DYSF: variants seen among roughly 807,000 people sequenced by gnomAD.
DYSF encodes the protein dysferlin, also known as dystrophy-associated fer-1-like 1.
In DYSF, 212 loss-of-function variants were observed where a neutral mutation model predicts 274.9. The observed-to-expected ratio is 0.77, with a 90% CI of 0.69 to 0.86. The LOEUF is 0.86. Ranked by LOEUF, DYSF falls within the 40% of genes least tolerant of loss-of-function variation. The pLI, the probability that DYSF is intolerant of heterozygous loss-of-function variation, is 0.00. For synonymous variants in DYSF, 1,091 were observed against 1,078.7 expected (o/e 1.01, Z -0.22); for missense variants, 2,666 against 2,783.2 (o/e 0.96, Z 0.95).
chr2:71,570,851 C>T, intron 29 of DYSF, 110 bp downstream of exon 29: 1 of 1,479,498 alleles, frequency 6.8e-7, no homozygotes, highest in Non-Finnish European at 9.2e-7. Context: ...ACACAGCATG[C>T]ACAGACACCT....
In DYSF at chr2:71,553,814, C is replaced by T; in HGVS notation, c.1992C>T (p.His664=). 1 of 1,612,664 alleles carries T rather than the reference C, an allele frequency of 6.2e-7. No homozygotes were observed. The highest frequency in any genetic ancestry group is 8.5e-7 in the Non-Finnish European group (1 of 1,179,514). ...QYSRAVFDGC[H]YYYLPWGNVK... ...CCCGTCTCTCCATTCCAGGGTGCCA[C>T]TACTACTACCTACCCTGGGGTAACG... The change falls in exon 21 of 56, where the codon CAC becomes CAT. Residue 664 remains histidine, a synonymous_variant. Coordinates refer to ENST00000410020, the MANE Select transcript of DYSF (RefSeq NM_001130987.2).
intron 12 of DYSF, among the ~76,000 whole-genome samples, chr2:71,522,647 C>A (rs531960631): frequency 6.6e-6 from 1 of 152,122 alleles, no homozygotes; most frequent in Non-Finnish European, 1.5e-5. Context: ...GAGCTCTGGA[C>A]GCTCAGTTTC....
chr2:71,652,326 A>G (rs2094680190), intron 42 of DYSF, among the ~76,000 whole-genome samples: 2 of 152,242 alleles, frequency 1.3e-5, no homozygotes, highest in African/African-American at 2.4e-5. Flanking sequence ...TTTAGAAAGG[A>G]GAAGACAAAA....
At chr2:71,589,496 G>T in intron 30 of DYSF, 97 bp from the exon 31 acceptor site, 2 of 954,804 alleles carry the variant, frequency 2.1e-6, no homozygotes, top group Non-Finnish European at 3.4e-6. Flanking sequence ...GCAGCGGAGA[G>T]ATCTCCTGGC....
chr2:71,519,193 A>G lies in DYSF; in HGVS notation c.1003-985A>G, dbSNP rs370610327. On this transcript the variant is annotated intron_variant, in intron 10 of 55. Transcript: ENST00000410020. Reference sequence around the variant, plus strand: ...TGTCTTTGCGCTGTCTTCTCAAATCATTGCCTGTGGGAAGAAGTCACAAGA... The same window carrying G: ...TGTCTTTGCGCTGTCTTCTCAAATCGTTGCCTGTGGGAAGAAGTCACAAGA... Among the ~76,000 whole-genome samples the G allele has an allele frequency of 6.9e-4, 105 of 151,464 alleles. 1 individual carries two copies. In the East Asian group the frequency reaches 0.017, roughly 25 times the overall value.
chr2:71,623,124 C>T (rs1052340404), intron 41 of DYSF, among the ~76,000 whole-genome samples: 5 of 152,042 alleles, frequency 3.3e-5, no homozygotes, highest in South Asian at 2.1e-4. Flanking sequence ...CCAATGCAAT[C>T]GAGACAGGTA....
intron 10 of DYSF, 49 bp downstream of exon 10, chr2:71,517,088 TG>T (rs777889370): frequency 8.5e-5 from 133 of 1,564,640 alleles, no homozygotes; most frequent in Non-Finnish European, 1.1e-4. Flanking sequence ...TTCTCCGTGT[TG>T]GTGGAGCCTC....
intron 30 of DYSF, among the ~76,000 whole-genome samples, chr2:71,585,365 G>A (rs1166196696): frequency 3.9e-5 from 6 of 152,184 alleles, no homozygotes; most frequent in African/African-American, 1.4e-4. Context: ...CACTGGCCCC[G>A]TGAGCAGCAG....
Position 71,467,359 on chromosome 2 carries a change from T to C in DYSF, c.91+426T>C, listed in dbSNP as rs567390844. Among the ~76,000 whole-genome samples, 237 of 152,316 alleles carry C rather than the reference T, an allele frequency of 1.6e-3. 1 individual carries two copies. Among genetic ancestry groups the C allele is most frequent in the Middle Eastern group, 6.8e-3 (2 of 294 alleles). ...CTTTTTTCATTCATTCATTCATTCA[T>C]TCACCCATCTTTATCCAACATTGGC... On this transcript the variant is annotated intron_variant, in intron 1 of 55. Coordinates refer to ENST00000410020, the MANE Select transcript of DYSF (RefSeq NM_001130987.2).
chr2:71,668,736 C>T lies in DYSF; in HGVS notation c.5458-18C>T, dbSNP rs751028464. On this transcript the variant is annotated intron_variant, in intron 48 of 55. Transcript: ENST00000410020. The stretch of plus-strand genomic sequence containing the variant: ...TTAAATGAGAAGGGTGGGGAGAGAA[C>T]GGACCCTGTCTCCGCAGGGGAAGCT... 2.4e-5 allele frequency: 39 copies of T among 1,611,370 alleles called. No homozygotes were observed. The highest frequency in any genetic ancestry group is 1.5e-4 in the African/African-American group (11 of 74,888).
rs72827583 is a variant in DYSF at position 71,589,481 on chromosome 2, T to C, written c.3403-112T>C. On this transcript the variant is annotated intron_variant, in intron 30 of 55. Transcript: ENST00000410020. ...TGAAATTAGAGGCTGAGAGTTCAGCTTTCGGCAGCGGAGAGATCTCCTGGC... is the reference window on the plus strand; with the variant it reads ...TGAAATTAGAGGCTGAGAGTTCAGCCTTCGGCAGCGGAGAGATCTCCTGGC... The C allele has an allele frequency of 0.022, 19,123 of 853,456 alleles. 347 individuals are homozygous for C. Among genetic ancestry groups the C allele is most frequent in the African/African-American group, 0.057 (3,438 of 60,268 alleles). The allele number at this position is 853,456 out of a possible 1,614,324, so 52.9% of individuals were successfully genotyped here. A position where few individuals can be genotyped will look rare whatever the true frequency, so the allele number is the denominator to read the frequency against.
Position 71,486,817 on chromosome 2 carries a change from G to T in DYSF, c.239+4847G>T, listed in dbSNP as rs77739518. On this transcript the variant is annotated intron_variant, in intron 3 of 55. Transcript: ENST00000410020. Reference sequence around the variant, plus strand: ...GAAGACACTCAGGCAAACCTAGCGGGTGGTCCTGGGATCCTGTTCCAGGCT... The same window carrying T: ...GAAGACACTCAGGCAAACCTAGCGGTTGGTCCTGGGATCCTGTTCCAGGCT... 3.3e-5 allele frequency among the ~76,000 whole-genome samples: 5 copies of T among 152,322 alleles called. No homozygotes were observed. In the East Asian group the frequency reaches 9.6e-4, roughly 29 times the overall value.
chr2:71,664,238 G>T (rs763959749), intron 45 of DYSF, 30 bp from the exon 46 acceptor site: 2 of 1,613,228 alleles, frequency 1.2e-6, no homozygotes, highest in South Asian at 1.1e-5. Flanking sequence ...CCCCGTGTTG[G>T]CTGACATCGG....
intron 52 of DYSF, among the ~76,000 whole-genome samples, chr2:71,676,278 T>A (rs1015128047): frequency 1.3e-5 from 2 of 152,202 alleles, no homozygotes; most frequent in Non-Finnish European, 2.9e-5. Flanking sequence ...TGTGCCCTGT[T>A]TGTACAGGGT....
At chr2:71,522,676 C>T (rs1468793099) in intron 12 of DYSF, among the ~76,000 whole-genome samples, 1 of 152,158 alleles carries the variant, frequency 6.6e-6, no homozygotes, top group Non-Finnish European at 1.5e-5. Context: ...TGTCATCAGG[C>T]CACATTAACA....
At chr2:71,552,905 T>C (rs1054529498) in intron 19 of DYSF, 106 bp from the exon 20 acceptor site, 18 of 1,177,712 alleles carry the variant, frequency 1.5e-5, no homozygotes, top group Middle Eastern at 1.9e-4. Context: ...CCAGGAGCTA[T>C]TGGGTGCCGG....
At chr2:71,514,337 C>T (rs1246539977) in intron 7 of DYSF, among the ~76,000 whole-genome samples, 1 of 152,126 alleles carries the variant, frequency 6.6e-6, no homozygotes, top group African/African-American at 2.4e-5. Context: ...CTACTCAGAC[C>T]TGCTCTACCA....
At chr2:71,667,296 G>A in intron 47 of DYSF, 80 bp from the exon 48 acceptor site, 1 of 1,607,872 alleles carries the variant, frequency 6.2e-7, no homozygotes, top group Non-Finnish European at 8.5e-7. Context: ...AGGCAGCCCT[G>A]CTCAGCCTGT....
At position 71,669,805 on chromosome 2, in the gene DYSF, C is replaced by T. The variant is rs1203141001; in HGVS notation, c.5784+59C>T. On this transcript the variant is annotated intron_variant, in intron 51 of 55. Coordinates refer to ENST00000410020, the MANE Select transcript of DYSF (RefSeq NM_001130987.2). ...ACCAGGGCTTCTAAAGTTAGCCTGACCTGACCACCACGTCCCTGCCTGGCA... is the reference window on the plus strand; with the variant it reads ...ACCAGGGCTTCTAAAGTTAGCCTGATCTGACCACCACGTCCCTGCCTGGCA... The T allele has an allele frequency of 2.5e-6, 4 of 1,610,844 alleles. No individual in the cohort carries two copies. In the East Asian group the frequency reaches 6.7e-5, roughly 27 times the overall value.
Sources: allele counts gnomAD v4.1 joint callset (sites outside exome capture counted in the v4.1 genomes callset), GRCh38; gene constraint gnomAD v4.1.1; transcripts MANE v1.5; gene names NCBI Gene and HGNC (gene_info 2026-07-23, HGNC 2026-07-21).